The following NTN4 variants were observed in gnomAD, a reference collection of about 807,000 sequenced individuals.
The protein encoded by NTN4 is netrin-4.
Under a neutral mutation model 73.6 loss-of-function variants are expected in NTN4, and 32 were observed. The observed-to-expected ratio is 0.44, with a 90% CI of 0.33 to 0.58. The LOEUF (loss-of-function observed/expected upper bound fraction) is 0.58. NTN4 is among the 20% of genes least tolerant of loss of function. The probability of loss-of-function intolerance (pLI) is 0.04; values close to 1 mark genes in which losing one functional copy is unlikely to be tolerated. For synonymous variants in NTN4, 258 were observed against 287.5 expected (o/e 0.90, Z 1.04); for missense variants, 654 against 798.3 (o/e 0.82, Z 2.18).
In NTN4 at chr12:95,738,009, G is replaced by C; in HGVS notation, c.721C>G (p.Leu241Val). The change falls in exon 3 of 10, where the codon CTG becomes GTG. Residue 241 changes from leucine to valine, a missense_variant. Physicochemically the swap from Leu to Val is conservative, Grantham distance 32. Coordinates refer to ENST00000343702, the MANE Select transcript of NTN4 (RefSeq NM_021229.4). ...GTAAAATGTTGAGGCTCTTCGTTCA[G>C]GTCATTTCTCTGACAGGGACAAGAC... is the stretch of plus-strand genomic sequence containing the variant. The part of the protein sequence containing the change: ...RQSCPCQRND[L>V]NEEPQHFTHY... 6.2e-7 allele frequency: 1 copy of C among 1,614,106 alleles called. No individual in the cohort carries two copies. Among genetic ancestry groups the C allele is most frequent in the Non-Finnish European group, 8.5e-7 (1 of 1,180,004 alleles).
At chr12:95,759,491 G>GTTTTTTTT (rs61286357) in intron 2 of NTN4, among the ~76,000 whole-genome samples, 2 of 136,390 alleles carry the variant, frequency 1.5e-5, no homozygotes, top group African/African-American at 2.8e-5. Context: ...TAGTATTTTT[G>GTTTTTTTT]TTTTTTTTTT....
At chr12:95,702,308 G>GA (rs558357623) in intron 5 of NTN4, among the ~76,000 whole-genome samples, 5,913 of 118,426 alleles carry the variant, frequency 0.05, 157 homozygotes, top group South Asian at 0.068. Context: ...CAAAAAAAAA[G>GA]AAAAAAAAAA....
intron 8 of NTN4, among the ~76,000 whole-genome samples, chr12:95,666,732 A>G (rs1173168002): frequency 6.6e-6 from 1 of 152,194 alleles, no homozygotes; most frequent in African/African-American, 2.4e-5. Flanking sequence ...AGAGAGAAAA[A>G]TGCTACTCCT....
chr12:95,770,836 T>C (rs894060643), intron 2 of NTN4, among the ~76,000 whole-genome samples: 1 of 152,124 alleles, frequency 6.6e-6, no homozygotes, highest in African/African-American at 2.4e-5. Context: ...AAGTGTAAAG[T>C]AACATCAGCA....
chr12:95,676,776 AAGTT>A (rs1395789064), intron 7 of NTN4, among the ~76,000 whole-genome samples: 1 of 152,182 alleles, frequency 6.6e-6, no homozygotes, highest in East Asian at 1.9e-4. Context: ...AGTTAACCAA[AAGTT>A]AATCTCTGAG....
chr12:95,680,488 C>A (rs992043050), intron 7 of NTN4, among the ~76,000 whole-genome samples: 2 of 152,220 alleles, frequency 1.3e-5, no homozygotes, highest in African/African-American at 4.8e-5. Context: ...GGTTTGCCAG[C>A]CCCTGGCCTG....
At chr12:95,660,054 T>C in intron 9 of NTN4, among the ~76,000 whole-genome samples, 1 of 152,020 alleles carries the variant, frequency 6.6e-6, no homozygotes, top group Admixed American at 6.6e-5. Context: ...CGCTCTGTTG[T>C]CCAGGCTGGA....
At chr12:95,701,640 A>G (rs1192411438) in intron 5 of NTN4, among the ~76,000 whole-genome samples, 1 of 152,200 alleles carries the variant, frequency 6.6e-6, no homozygotes, top group Non-Finnish European at 1.5e-5. Flanking sequence ...TATTGGCTAG[A>G]AGATTTGGTT....
At chr12:95,681,243 C>T (rs1256563550) in intron 7 of NTN4, among the ~76,000 whole-genome samples, 3 of 147,224 alleles carry the variant, frequency 2.0e-5, no homozygotes, top group Admixed American at 6.7e-5. Context: ...TTCTGAAATA[C>T]TCAATATATA....
chr12:95,690,647 C>A (rs1055577452), intron 5 of NTN4, among the ~76,000 whole-genome samples: 1 of 151,192 alleles, frequency 6.6e-6, no homozygotes, highest in Non-Finnish European at 1.5e-5. Context: ...ATGAATATAT[C>A]AAAATGCTAT....
intron 2 of NTN4, among the ~76,000 whole-genome samples, chr12:95,751,256 A>T (rs1323095083): frequency 6.6e-6 from 1 of 151,100 alleles, no homozygotes; most frequent in Non-Finnish European, 1.5e-5. Context: ...CCTTGCCTCC[A>T]CTGTGAGACA....
chr12:95,666,721 T>C (rs1343014813), intron 8 of NTN4, among the ~76,000 whole-genome samples: 1 of 152,362 alleles, frequency 6.6e-6, no homozygotes, highest in South Asian at 2.1e-4. Flanking sequence ...AATGTTATGA[T>C]AGAGAGAAAA....
chr12:95,664,232 A>T (rs538878327), intron 9 of NTN4, among the ~76,000 whole-genome samples: 8 of 152,004 alleles, frequency 5.3e-5, no homozygotes, highest in Non-Finnish European at 1.0e-4. Flanking sequence ...TATTTAAAAA[A>T]TTTTTTGTGG....
chr12:95,677,159 G>T (rs2078279636), intron 7 of NTN4, among the ~76,000 whole-genome samples: 1 of 151,976 alleles, frequency 6.6e-6, no homozygotes, highest in African/African-American at 2.4e-5. Flanking sequence ...AACCCGGGAG[G>T]CAGAGGTTGC....
intron 5 of NTN4, among the ~76,000 whole-genome samples, chr12:95,687,604 T>C (rs1156975034): frequency 6.6e-6 from 1 of 152,080 alleles, no homozygotes; most frequent in Admixed American, 6.6e-5. Context: ...TTTCACCATG[T>C]TGGCCAGGCT....
At chr12:95,715,512 C>G (rs969228589) in intron 3 of NTN4, among the ~76,000 whole-genome samples, 2 of 152,142 alleles carry the variant, frequency 1.3e-5, no homozygotes, top group Non-Finnish European at 2.9e-5. Context: ...TCTTGGCCTT[C>G]TCTTCATGGC....
At chr12:95,687,978 G>C (rs1045024984) in intron 5 of NTN4, among the ~76,000 whole-genome samples, 3 of 152,106 alleles carry the variant, frequency 2.0e-5, no homozygotes, top group Non-Finnish European at 2.9e-5. Context: ...TGAAGGAGAT[G>C]AGGCAGAAGA....
chr12:95,744,812 T>A (rs2078849631), intron 2 of NTN4, among the ~76,000 whole-genome samples: 1 of 150,764 alleles, frequency 6.6e-6, no homozygotes, highest in Non-Finnish European at 1.5e-5. Flanking sequence ...TTTCCTTCAA[T>A]GCAAATCTGC....
rs145241439 is a variant in NTN4 at position 95,724,616 on chromosome 12, A to C, written c.865-11278T>G. The stretch of plus-strand genomic sequence containing the variant: ...TAACAGCTATAGTTTGTTCAGCTGC[A>C]AATATAGAGCAAAAGATGATCAACA... On this transcript the variant is annotated intron_variant, in intron 3 of 9. Transcript: ENST00000343702. 4.3e-4 allele frequency among the ~76,000 whole-genome samples: 66 copies of C among 152,336 alleles called. 1 individual carries two copies. Among genetic ancestry groups the C allele is most frequent in the African/African-American group, 1.5e-3 (64 of 41,590 alleles).
Sources: allele counts gnomAD v4.1 joint callset (sites outside exome capture counted in the v4.1 genomes callset), GRCh38; gene constraint gnomAD v4.1.1; transcripts MANE v1.5; gene names NCBI Gene and HGNC (gene_info 2026-07-23, HGNC 2026-07-21).